The following ARHGAP26 variants were observed in gnomAD, a reference collection of about 807,000 sequenced individuals.
ARHGAP26 encodes rho GTPase-activating protein 26.
Under a neutral mutation model 104.8 loss-of-function variants are expected in ARHGAP26, and 38 were observed. The observed-to-expected ratio is 0.36, with a 90% CI of 0.28 to 0.48. The LOEUF (loss-of-function observed/expected upper bound fraction) is 0.48, where lower values mean the gene tolerates loss of function less well. Ranked by LOEUF, ARHGAP26 falls within the 20% of genes least tolerant of loss-of-function variation. The pLI is 0.99. For missense variants in ARHGAP26, 704 were observed against 947.9 expected (o/e 0.74, Z 3.38); for synonymous variants, 341 against 340.0 (o/e 1.00, Z -0.03).
chr5:142,876,714 C>G (rs1333462731), intron 3 of ARHGAP26, among the ~76,000 whole-genome samples: 1 of 135,340 alleles, frequency 7.4e-6, no homozygotes, highest in Non-Finnish European at 1.5e-5. Context: ...GAGGTCAAGG[C>G]TGCAGTGATC....
At chr5:143,209,932 A>G (rs563828055) in intron 21 of ARHGAP26, among the ~76,000 whole-genome samples, 4 of 152,188 alleles carry the variant, frequency 2.6e-5, no homozygotes, top group African/African-American at 4.8e-5. Context: ...GTGGTGGTAT[A>G]CACCCATTAT....
chr5:142,823,369 T>A (rs1172334612), intron 1 of ARHGAP26, among the ~76,000 whole-genome samples: 1 of 151,768 alleles, frequency 6.6e-6, no homozygotes, highest in East Asian at 1.9e-4. Flanking sequence ...TGCTCCTCCC[T>A]TCATTCAGTG....
chr5:143,211,698 C>T (rs1809491458), intron 21 of ARHGAP26, among the ~76,000 whole-genome samples: 1 of 151,598 alleles, frequency 6.6e-6, no homozygotes, highest in South Asian at 2.1e-4. Context: ...TCCCAAGTAA[C>T]CTGGACTCCA....
At chr5:143,109,072 A>T (rs181232809) in intron 17 of ARHGAP26, among the ~76,000 whole-genome samples, 133 of 152,340 alleles carry the variant, frequency 8.7e-4, no homozygotes, top group Non-Finnish European at 1.2e-3. Context: ...CTAATTAAAG[A>T]TTGTTACAAT....
intron 20 of ARHGAP26, among the ~76,000 whole-genome samples, chr5:143,175,234 T>C (rs1803305531): frequency 6.6e-6 from 1 of 152,204 alleles, no homozygotes; most frequent in African/African-American, 2.4e-5. Context: ...GGGTCAGGCT[T>C]GCAGCTGGCA....
chr5:143,094,094 C>G (rs1225936633), intron 17 of ARHGAP26, among the ~76,000 whole-genome samples: 3 of 152,230 alleles, frequency 2.0e-5, no homozygotes, highest in African/African-American at 7.2e-5. Context: ...AGGAATACTT[C>G]ACCACCACTC....
intron 1 of ARHGAP26, among the ~76,000 whole-genome samples, chr5:142,825,162 A>C (rs1006460385): frequency 1.8e-4 from 27 of 152,362 alleles, no homozygotes; most frequent in African/African-American, 6.3e-4. Flanking sequence ...CCTCCTTTAC[A>C]GGATAGTTGT....
intron 17 of ARHGAP26, among the ~76,000 whole-genome samples, chr5:143,117,885 C>T (rs1795681420): frequency 6.6e-6 from 1 of 152,218 alleles, no homozygotes; most frequent in South Asian, 2.1e-4. Flanking sequence ...TACTCAGAAA[C>T]TCTCCTCATC....
chr5:143,080,493 C>T (rs913291588), intron 17 of ARHGAP26, among the ~76,000 whole-genome samples: 3 of 152,156 alleles, frequency 2.0e-5, no homozygotes, highest in African/African-American at 7.2e-5. Context: ...GCATTTAAGC[C>T]ATGACCTGAA....
At chr5:143,076,479 A>G (rs1462276820) in intron 17 of ARHGAP26, among the ~76,000 whole-genome samples, 1 of 152,174 alleles carries the variant, frequency 6.6e-6, no homozygotes. Flanking sequence ...ATGTTTTGCT[A>G]TAATCTTTCA....
intron 5 of ARHGAP26, among the ~76,000 whole-genome samples, chr5:142,885,994 A>G (rs963715800): frequency 2.0e-5 from 3 of 152,174 alleles, no homozygotes; most frequent in African/African-American, 7.2e-5. Context: ...TGTCTTTTAA[A>G]AAGTAGTTCA....
chr5:143,049,567 CTG>C (rs1335893193), intron 14 of ARHGAP26, among the ~76,000 whole-genome samples: 1 of 152,114 alleles, frequency 6.6e-6, no homozygotes, highest in Non-Finnish European at 1.5e-5. Context: ...GCTTTGGTCT[CTG>C]TATTTTTTGC....
At chr5:143,206,742 G>A (rs1252377923) in intron 20 of ARHGAP26, among the ~76,000 whole-genome samples, 1 of 152,116 alleles carries the variant, frequency 6.6e-6, no homozygotes, top group African/African-American at 2.4e-5. Context: ...TTTTCTCACC[G>A]AATGGCCTTT....
intron 1 of ARHGAP26, among the ~76,000 whole-genome samples, chr5:142,793,252 CT>C (rs56941301): frequency 0.02 from 2,122 of 107,142 alleles, 28 homozygotes; most frequent in Middle Eastern, 0.052. Flanking sequence ...TATCCCTTTG[CT>C]TTTTTTTTTT....
At chr5:143,160,218 C>T (rs1801042686) in intron 20 of ARHGAP26, among the ~76,000 whole-genome samples, 1 of 151,954 alleles carries the variant, frequency 6.6e-6, no homozygotes, top group Non-Finnish European at 1.5e-5. Flanking sequence ...CGCCACCACA[C>T]CTTGCTAATT....
At chr5:142,957,963 A>C (rs1336546646) in intron 11 of ARHGAP26, among the ~76,000 whole-genome samples, 1 of 152,226 alleles carries the variant, frequency 6.6e-6, no homozygotes, top group African/African-American at 2.4e-5. Context: ...TTTTCTAGAG[A>C]GATTTTTGTT....
At chr5:143,142,787 A>G (rs1168632955) in intron 19 of ARHGAP26, among the ~76,000 whole-genome samples, 1 of 152,208 alleles carries the variant, frequency 6.6e-6, no homozygotes, top group African/African-American at 2.4e-5. Flanking sequence ...TGCAAAATTC[A>G]TTAAGCTGCT....
In ARHGAP26 at chr5:142,869,245, C is replaced by T. The variant is rs187340410; in HGVS notation, c.155-4155C>T. 5.6e-4 allele frequency among the ~76,000 whole-genome samples: 80 copies of T among 143,412 alleles called. No homozygotes were observed. In the South Asian group the frequency reaches 6.6e-3, roughly 12 times the overall value. 94.1% of individuals were successfully genotyped at this position (143,412 alleles called of 152,430 possible). ...TTTTTGAGACAGCGTCTCACACTGT[C>T]GCCTAGGCTGGAGTGCAATGGTGCA... On this transcript the variant is annotated intron_variant, in intron 1 of 22. Transcript: ENST00000645722.
At chr5:142,923,950 C>T (rs1369789144) in intron 10 of ARHGAP26, among the ~76,000 whole-genome samples, 2 of 151,236 alleles carry the variant, frequency 1.3e-5, no homozygotes, top group East Asian at 3.9e-4. Flanking sequence ...CAAGCTCCGC[C>T]CCCCGGGTTC....
Sources: gnomAD v4.1 joint callset for allele counts (sites outside exome capture counted in the v4.1 genomes callset) on GRCh38, gnomAD v4.1.1 for gene constraint, MANE v1.5 for transcripts, NCBI Gene and HGNC (gene_info 2026-07-23, HGNC 2026-07-21) for gene names.